Variants in HNRNPM observed in about 807,000 individuals in gnomAD.
The protein encoded by HNRNPM is heterogeneous nuclear ribonucleoprotein M, also known as CEA receptor.
A neutral mutation model predicts 73.1 loss-of-function variants in HNRNPM; 11 were observed. That is an observed-to-expected ratio of 0.15 (90% confidence interval 0.09 to 0.25). HNRNPM has a LOEUF of 0.25. Ranked by LOEUF, HNRNPM falls within the 10% of genes least tolerant of loss-of-function variation. The pLI is 1.00. For missense variants in HNRNPM, 789 were observed against 1,067.9 expected (o/e 0.74, Z 3.64); for synonymous variants, 407 against 355.2 (o/e 1.15, Z -1.64).
chr19:8,486,270 TGGC>T lies in HNRNPM; in HGVS notation c.1845_1847del (p.Gly616del), dbSNP rs1470775194. Reference sequence around the variant, plus strand: ...GCATGGGCCTGGCCATGGGTGGCGGTGGCGGTGCCAGCTTTGACCGTGCCATCG... The same window carrying T: ...GCATGGGCCTGGCCATGGGTGGCGGTGGTGCCAGCTTTGACCGTGCCATCG... On this transcript the variant is annotated inframe_deletion, in exon 14 of 16. Coordinates refer to ENST00000325495, the MANE Select transcript of HNRNPM (RefSeq NM_005968.5). The T allele has an allele frequency of 6.2e-7, 1 of 1,602,060 alleles. No homozygotes were observed. Among genetic ancestry groups the T allele is most frequent in the Non-Finnish European group, 8.5e-7 (1 of 1,179,840 alleles).
At chr19:8,456,534 G>C (rs1969040681) in intron 2 of HNRNPM, among the ~76,000 whole-genome samples, 1 of 152,140 alleles carries the variant, frequency 6.6e-6, no homozygotes, top group African/African-American at 2.4e-5. Context: ...GAAAGGTATT[G>C]GTTTTCTGGA....
At chr19:8,450,875 AC>A (rs1968567364) in intron 1 of HNRNPM, among the ~76,000 whole-genome samples, 1 of 147,710 alleles carries the variant, frequency 6.8e-6, no homozygotes, top group African/African-American at 2.5e-5. Context: ...GATTACAGGC[AC>A]CCGCCACCAT....
chr19:8,455,706 G>A, intron 2 of HNRNPM, 132 bp downstream of exon 2: 1 of 600,804 alleles, frequency 1.7e-6, no homozygotes, highest in East Asian at 2.9e-5. Flanking sequence ...TAAGAGTGAA[G>A]CCCCCTTACC....
intron 10 of HNRNPM, 62 bp downstream of exon 10, chr19:8,471,489 A>G (rs12973706): frequency 0.99 from 918,100 of 931,046 alleles, 453,695 homozygotes; most frequent in East Asian, 1. Flanking sequence ...AATTATTGGG[A>G]CAACTGGACT....
intron 12 of HNRNPM, among the ~76,000 whole-genome samples, chr19:8,480,933 C>T (rs368549014): frequency 6.6e-5 from 10 of 152,090 alleles, no homozygotes; most frequent in African/African-American, 2.2e-4. Context: ...ATCTCTGTCC[C>T]GGAATTCCCT....
intron 1 of HNRNPM, among the ~76,000 whole-genome samples, chr19:8,449,246 G>A (rs964068875): frequency 6.6e-6 from 1 of 152,186 alleles, no homozygotes; most frequent in Non-Finnish European, 1.5e-5. Flanking sequence ...TCTGGTTAGG[G>A]AAAGAGATAC....
At chr19:8,486,469 C>A in intron 14 of HNRNPM, 64 bp downstream of exon 14, 1 of 1,414,650 alleles carries the variant, frequency 7.1e-7, no homozygotes, top group Non-Finnish European at 9.5e-7. Context: ...AGGCAAAGAT[C>A]AGCAGGATGA....
intron 2 of HNRNPM, among the ~76,000 whole-genome samples, chr19:8,459,564 C>T (rs1011312761): frequency 5.3e-5 from 8 of 152,102 alleles, no homozygotes; most frequent in Admixed American, 3.3e-4. Context: ...ACTTTCAAGT[C>T]CCCCCAACTC....
chr19:8,447,552 G>A (rs1029950018), intron 1 of HNRNPM, among the ~76,000 whole-genome samples: 4 of 152,048 alleles, frequency 2.6e-5, no homozygotes, highest in African/African-American at 9.7e-5. Flanking sequence ...AGGGAAGAGA[G>A]TATCCAAAGA....
chr19:8,463,275 A>G (rs1969511449), intron 3 of HNRNPM, among the ~76,000 whole-genome samples: 1 of 152,174 alleles, frequency 6.6e-6, no homozygotes, highest in Admixed American at 6.5e-5. Flanking sequence ...AATGCTGGTA[A>G]CGCGTAGGAG....
intron 5 of HNRNPM, chr19:8,463,977 A>G (rs966340897): frequency 4.1e-5 from 13 of 314,260 alleles, no homozygotes; most frequent in Non-Finnish European, 6.6e-5. Flanking sequence ...GGTTTGTGCC[A>G]TTAAGTTTTA....
chr19:8,455,222 C>G (rs1270507481), intron 1 of HNRNPM, among the ~76,000 whole-genome samples, 183 bp from the exon 2 acceptor site: 2 of 152,046 alleles, frequency 1.3e-5, no homozygotes, highest in East Asian at 3.9e-4. Flanking sequence ...CTCAAATGAT[C>G]CCCCCTTCTT....
At chr19:8,466,447 A>G (rs1969749543) in intron 7 of HNRNPM, 59 bp downstream of exon 7, 6 of 1,549,476 alleles carry the variant, frequency 3.9e-6, no homozygotes, top group Non-Finnish European at 5.3e-6. Flanking sequence ...TGTGTTAGTA[A>G]TGTAGGTTTG....
chr19:8,463,935 T>C, intron 5 of HNRNPM: 1 of 454,734 alleles, frequency 2.2e-6, no homozygotes, highest in East Asian at 3.8e-5. Context: ...GAGGCCTTGT[T>C]GTCTCAGGGA....
chr19:8,477,444 G>A (rs960500945), intron 12 of HNRNPM, among the ~76,000 whole-genome samples: 4 of 152,086 alleles, frequency 2.6e-5, no homozygotes, highest in African/African-American at 4.8e-5. Context: ...GATCACTTGA[G>A]CTCAGGAGTT....
At chr19:8,450,733 T>TC (rs1568258195) in intron 1 of HNRNPM, among the ~76,000 whole-genome samples, 1 of 90,210 alleles carries the variant, frequency 1.1e-5, no homozygotes. Context: ...TATTATTTTT[T>TC]TTTTTTTTGA....
chr19:8,471,624 CATT>C (rs949143303), intron 10 of HNRNPM, among the ~76,000 whole-genome samples, 197 bp downstream of exon 10: 24 of 152,234 alleles, frequency 1.6e-4, no homozygotes, highest in African/African-American at 4.3e-4. Flanking sequence ...TTTAAAAAGT[CATT>C]ATGCTTTTTC....
At chr19:8,473,771 C>G (rs1970321352) in intron 11 of HNRNPM, 63 bp downstream of exon 11, 1 of 1,033,656 alleles carries the variant, frequency 9.7e-7, no homozygotes, top group Non-Finnish European at 1.5e-6. Flanking sequence ...TCTCTTTCCT[C>G]TTTTCTTTCT....
chr19:8,452,408 A>AT (rs1317047148), intron 1 of HNRNPM, among the ~76,000 whole-genome samples: 2 of 148,786 alleles, frequency 1.3e-5, no homozygotes, highest in East Asian at 4.0e-4. Context: ...ATGTTTTATG[A>AT]TTTTTTCTAA....
Sources: gnomAD v4.1 joint callset for allele counts (sites outside exome capture counted in the v4.1 genomes callset) on GRCh38, gnomAD v4.1.1 for gene constraint, MANE v1.5 for transcripts, NCBI Gene and HGNC (gene_info 2026-07-23, HGNC 2026-07-21) for gene names.